Variants in HS6ST3 observed in about 807,000 individuals in gnomAD.
The protein encoded by HS6ST3 is heparan-sulfate 6-O-sulfotransferase 3.
In HS6ST3, 12 loss-of-function variants were observed where a neutral mutation model predicts 36.7. The observed-to-expected ratio is 0.33, with a 90% confidence interval of 0.21 to 0.53. HS6ST3 has a LOEUF of 0.53. Among genes scored for constraint, HS6ST3 ranks in the 20% least tolerant of loss-of-function variants. The pLI is 0.95. For missense variants in HS6ST3, 584 were observed against 640.9 expected (o/e 0.91, Z 0.96); for synonymous variants, 240 against 257.5 (o/e 0.93, Z 0.65).
At chr13:96,327,023 GTTGT>G (rs1292454737) in intron 1 of HS6ST3, among the ~76,000 whole-genome samples, 12 of 140,426 alleles carry the variant, frequency 8.5e-5, no homozygotes, top group Admixed American at 4.2e-4. Flanking sequence ...TTTTGATGGG[GTTGT>G]TTGTTTTTTT....
intron 1 of HS6ST3, among the ~76,000 whole-genome samples, chr13:96,507,614 G>A (rs918325579): frequency 1.3e-5 from 2 of 151,800 alleles, no homozygotes; most frequent in Admixed American, 6.6e-5. Flanking sequence ...TCATAAGAAC[G>A]GCTCCAGTCA....
chr13:96,168,475 G>A (rs2054171408), intron 1 of HS6ST3, among the ~76,000 whole-genome samples: 1 of 152,090 alleles, frequency 6.6e-6, no homozygotes, highest in South Asian at 2.1e-4. Flanking sequence ...GGTGGCCGGA[G>A]CAGGGGGATC....
chr13:96,542,800 T>A (rs576585865), intron 1 of HS6ST3, among the ~76,000 whole-genome samples: 5 of 152,236 alleles, frequency 3.3e-5, no homozygotes, highest in African/African-American at 1.2e-4. Flanking sequence ...AGGGACATAG[T>A]CTAGGTCCTT....
Position 96,385,430 on chromosome 13 carries a change from G to A in HS6ST3, c.707+293861G>A, listed in dbSNP as rs142527230. On this transcript the variant is annotated intron_variant, in intron 1 of 1. Transcript: ENST00000376705. ...ACATGTTAAAATCACACTGGACTTT[G>A]GTAGTAATTCCAGATCTTCCCCAGC... 7.9e-4 allele frequency among the ~76,000 whole-genome samples: 120 copies of A among 152,194 alleles called. 3 individuals are homozygous for A. The highest frequency in any genetic ancestry group is 2.8e-3 in the African/African-American group (117 of 41,542).
chr13:96,289,738 G>T (rs956523591), intron 1 of HS6ST3, among the ~76,000 whole-genome samples: 1 of 152,122 alleles, frequency 6.6e-6, no homozygotes, highest in African/African-American at 2.4e-5. Flanking sequence ...GAGTATGGCA[G>T]ATGCTACAAA....
intron 1 of HS6ST3, among the ~76,000 whole-genome samples, chr13:96,497,366 G>A (rs538249183): frequency 4.3e-4 from 66 of 152,222 alleles, no homozygotes; most frequent in African/African-American, 1.6e-3. Flanking sequence ...AAATAGTGAG[G>A]TATTCCAGAT....
intron 1 of HS6ST3, among the ~76,000 whole-genome samples, chr13:96,620,157 C>T (rs1226438910): frequency 6.6e-6 from 1 of 152,120 alleles, no homozygotes; most frequent in Non-Finnish European, 1.5e-5. Context: ...TTAAAGCACC[C>T]AAAACTATTG....
chr13:96,656,689 G>GC (rs1280454669), intron 1 of HS6ST3, among the ~76,000 whole-genome samples: 1 of 152,112 alleles, frequency 6.6e-6, no homozygotes, highest in Admixed American at 6.6e-5. Flanking sequence ...ATGGAGGAAG[G>GC]AGTCGCAAAA....
At chr13:96,108,789 A>C (rs948403777) in intron 1 of HS6ST3, among the ~76,000 whole-genome samples, 31 of 152,230 alleles carry the variant, frequency 2.0e-4, no homozygotes, top group Non-Finnish European at 2.6e-4. Context: ...AGAAGTAGCC[A>C]CAGGAAGTTA....
chr13:96,638,032 G>A (rs982708200), intron 1 of HS6ST3, among the ~76,000 whole-genome samples: 2 of 152,190 alleles, frequency 1.3e-5, no homozygotes, highest in East Asian at 3.9e-4. Context: ...AGAAACACTT[G>A]TAGCTTGTTC....
intron 1 of HS6ST3, among the ~76,000 whole-genome samples, chr13:96,251,658 G>A (rs983236131): frequency 6.6e-6 from 1 of 151,896 alleles, no homozygotes; most frequent in Non-Finnish European, 1.5e-5. Context: ...GTTCATTTGA[G>A]ATCTTGTCAT....
intron 1 of HS6ST3, among the ~76,000 whole-genome samples, chr13:96,246,235 A>G (rs2054584439): frequency 1.3e-5 from 2 of 152,154 alleles, no homozygotes; most frequent in African/African-American, 4.8e-5. Flanking sequence ...TAGCATGAAG[A>G]CACACAGCCA....
Position 96,641,979 on chromosome 13 carries a change from AC to A in HS6ST3, c.708-190509del, listed in dbSNP as rs371406897. Among the ~76,000 whole-genome samples the A allele has an allele frequency of 6.5e-3, 990 of 151,974 alleles. 7 individuals carry two copies. The highest frequency in any genetic ancestry group is 0.023 in the African/African-American group (936 of 41,514). On this transcript the variant is annotated intron_variant, in intron 1 of 1. Coordinates refer to ENST00000376705, the MANE Select transcript of HS6ST3 (RefSeq NM_153456.4). Reference sequence around the variant, plus strand: ...TAAATGTACCTATGTGGTTAGATTTACCAGTTCTCTTTATGTGGATTTGAAT... The same window carrying A: ...TAAATGTACCTATGTGGTTAGATTTACAGTTCTCTTTATGTGGATTTGAAT...
chr13:96,510,086 TTTTTATTTTA>T (rs150117554), intron 1 of HS6ST3, among the ~76,000 whole-genome samples: 4,902 of 141,594 alleles, frequency 0.035, 94 homozygotes, highest in African/African-American at 0.048. Context: ...TTCCTAGGTA[TTTTTATTTTA>T]TTTTATTTTA....
chr13:96,572,132 G>A (rs1211194409), intron 1 of HS6ST3, among the ~76,000 whole-genome samples: 2 of 152,196 alleles, frequency 1.3e-5, no homozygotes, highest in African/African-American at 4.8e-5. Context: ...TTTAATTTCT[G>A]CTATTAATAG....
chr13:96,438,156 A>G (rs1453963845), intron 1 of HS6ST3, among the ~76,000 whole-genome samples: 3 of 152,148 alleles, frequency 2.0e-5, no homozygotes, highest in African/African-American at 7.2e-5. Context: ...TATAAACACC[A>G]CTGTGTCCAG....
At chr13:96,300,662 T>C (rs1320635036) in intron 1 of HS6ST3, among the ~76,000 whole-genome samples, 1 of 152,170 alleles carries the variant, frequency 6.6e-6, no homozygotes, top group African/African-American at 2.4e-5. Flanking sequence ...ATCAAGTCAC[T>C]CTATGGGTTT....
At chr13:96,731,994 A>T (rs1347855487) in intron 1 of HS6ST3, among the ~76,000 whole-genome samples, 4 of 152,118 alleles carry the variant, frequency 2.6e-5, no homozygotes, top group South Asian at 2.1e-4. Context: ...ACTGCTTTTC[A>T]TAATGGCCAT....
chr13:96,591,831 T>C (rs2056383460), intron 1 of HS6ST3, among the ~76,000 whole-genome samples: 1 of 152,062 alleles, frequency 6.6e-6, no homozygotes, highest in South Asian at 2.1e-4. Flanking sequence ...CAGCTATGGG[T>C]CTGTCATGTA....
Sources: gnomAD v4.1 joint callset for allele counts (sites outside exome capture counted in the v4.1 genomes callset) on GRCh38, gnomAD v4.1.1 for gene constraint, MANE v1.5 for transcripts, NCBI Gene and HGNC (gene_info 2026-07-23, HGNC 2026-07-21) for gene names.